BARX2: variants seen among roughly 807,000 people sequenced by gnomAD.
The protein encoded by BARX2 is BARX homeobox 2.
A neutral mutation model predicts 25.5 loss-of-function variants in BARX2; 11 were observed. That is an observed-to-expected ratio of 0.43 (90% CI 0.27 to 0.71). BARX2 has a LOEUF of 0.71. Among genes scored for constraint, BARX2 ranks in the 30% least tolerant of loss-of-function variants. BARX2 has a pLI of 0.19. For synonymous variants in BARX2, 137 were observed against 149.5 expected, an observed-to-expected ratio of 0.92 and a Z score of 0.61; for missense variants, 360 against 359.9, an observed-to-expected ratio of 1.00 and a Z score of 0.00.
chr11:129,398,966 A>G (rs1452502679), intron 1 of BARX2, among the ~76,000 whole-genome samples: 1 of 152,208 alleles, frequency 6.6e-6, no homozygotes, highest in Non-Finnish European at 1.5e-5. Flanking sequence ...GCTCAGAGAA[A>G]GTCATGCTGT....
intron 3 of BARX2, among the ~76,000 whole-genome samples, chr11:129,445,608 G>A (rs568312798): frequency 6.6e-6 from 1 of 152,312 alleles, no homozygotes; most frequent in South Asian, 2.1e-4. Flanking sequence ...GGCCCAAGCT[G>A]TCAGTTCACT....
chr11:129,377,080 C>T (rs1455744541), intron 1 of BARX2, among the ~76,000 whole-genome samples: 1 of 151,964 alleles, frequency 6.6e-6, no homozygotes, highest in Non-Finnish European at 1.5e-5. Context: ...TATAATAAAA[C>T]GAAAAAGAAG....
intron 2 of BARX2, 171 bp from the exon 3 acceptor site, chr11:129,442,664 G>T: frequency 1.5e-6 from 1 of 681,136 alleles, no homozygotes; most frequent in South Asian, 1.5e-5. Context: ...AGTTTCCTCT[G>T]TTGGATTCTT....
At chr11:129,398,253 AG>A (rs1489831763) in intron 1 of BARX2, among the ~76,000 whole-genome samples, 2 of 152,102 alleles carry the variant, frequency 1.3e-5, no homozygotes, top group Non-Finnish European at 2.9e-5. Flanking sequence ...GCTGCCTTGG[AG>A]GGTCAGAGTA....
chr11:129,418,684 G>A (rs566408510), intron 1 of BARX2, among the ~76,000 whole-genome samples: 3 of 152,060 alleles, frequency 2.0e-5, no homozygotes, highest in East Asian at 1.9e-4. Context: ...CCTTTATACT[G>A]CCTTTTTCTT....
chr11:129,393,443 AT>A (rs1368195131), intron 1 of BARX2, among the ~76,000 whole-genome samples: 1 of 151,810 alleles, frequency 6.6e-6, no homozygotes, highest in Non-Finnish European at 1.5e-5. Context: ...ATTTTCTATT[AT>A]TACTGATTTG....
At chr11:129,426,562 G>A (rs1311657976) in intron 1 of BARX2, among the ~76,000 whole-genome samples, 3 of 152,002 alleles carry the variant, frequency 2.0e-5, no homozygotes, top group South Asian at 2.1e-4. Flanking sequence ...TAGTAGAGAT[G>A]GGGTTTCACC....
At chr11:129,402,163 C>G (rs1861783379) in intron 1 of BARX2, among the ~76,000 whole-genome samples, 1 of 151,918 alleles carries the variant, frequency 6.6e-6, no homozygotes, top group Non-Finnish European at 1.5e-5. Context: ...GCTTTCCATC[C>G]AACTATGTGT....
chr11:129,446,433 C>T (rs1862330007), intron 3 of BARX2, among the ~76,000 whole-genome samples: 1 of 152,122 alleles, frequency 6.6e-6, no homozygotes, highest in African/African-American at 2.4e-5. Flanking sequence ...TGTTTCCTCT[C>T]CAGTAAAAGG....
intron 1 of BARX2, among the ~76,000 whole-genome samples, chr11:129,387,956 G>C (rs1223859460): frequency 6.6e-6 from 1 of 152,152 alleles, no homozygotes; most frequent in Non-Finnish European, 1.5e-5. Flanking sequence ...AAATGGGAAC[G>C]GGGTCACACG....
intron 1 of BARX2, among the ~76,000 whole-genome samples, chr11:129,414,664 G>C (rs1041941974): frequency 6.6e-6 from 1 of 152,138 alleles, no homozygotes; most frequent in Admixed American, 6.5e-5. Flanking sequence ...GACAGCACTG[G>C]GGAGAAGCAG....
At chr11:129,397,586 G>T (rs752450) in intron 1 of BARX2, among the ~76,000 whole-genome samples, 1 of 152,048 alleles carries the variant, frequency 6.6e-6, no homozygotes, top group Non-Finnish European at 1.5e-5. Context: ...ACTAGAGTTC[G>T]TTAAAAAAAT....
chr11:129,411,817 G>A (rs1254584667), intron 1 of BARX2, among the ~76,000 whole-genome samples: 1 of 152,208 alleles, frequency 6.6e-6, no homozygotes, highest in Non-Finnish European at 1.5e-5. Context: ...GGCTCACAAG[G>A]TCTTTTGAAT....
intron 1 of BARX2, among the ~76,000 whole-genome samples, chr11:129,388,093 C>CTGTGTG (rs34835803): frequency 2.8e-3 from 407 of 147,016 alleles, no homozygotes; most frequent in Middle Eastern, 6.8e-3. Flanking sequence ...AGGCAACATA[C>CTGTGTG]TGTGTGTGTG....
chr11:129,443,151 A>G (rs1242400969), intron 3 of BARX2, among the ~76,000 whole-genome samples: 1 of 152,174 alleles, frequency 6.6e-6, no homozygotes, highest in Non-Finnish European at 1.5e-5. Flanking sequence ...AATCAAAGGA[A>G]AAAAAGCTTA....
At chr11:129,400,213 A>C (rs1033267410) in intron 1 of BARX2, among the ~76,000 whole-genome samples, 4 of 152,182 alleles carry the variant, frequency 2.6e-5, no homozygotes, top group South Asian at 4.1e-4. Context: ...AGCTATAATG[A>C]TGCATTATCC....
At chr11:129,430,509 C>T (rs1862117079) in intron 1 of BARX2, among the ~76,000 whole-genome samples, 2 of 152,192 alleles carry the variant, frequency 1.3e-5, no homozygotes, top group African/African-American at 4.8e-5. Context: ...ATGTGTGTAA[C>T]ATTTTAATTT....
chr11:129,423,117 A>T (rs58782261), intron 1 of BARX2, among the ~76,000 whole-genome samples: 6 of 145,378 alleles, frequency 4.1e-5, no homozygotes, highest in Non-Finnish European at 9.0e-5. Flanking sequence ...ATCAGATTGG[A>T]TTTTTTTTTT....
chr11:129,426,220 T>C (rs2135406202), intron 1 of BARX2, among the ~76,000 whole-genome samples: 2 of 152,274 alleles, frequency 1.3e-5, no homozygotes, highest in Middle Eastern at 3.4e-3. Context: ...CCTCCCTCTG[T>C]CCTCCTCTCT....
Sources: gnomAD v4.1 joint callset for allele counts (sites outside exome capture counted in the v4.1 genomes callset) on GRCh38, gnomAD v4.1.1 for gene constraint, MANE v1.5 for transcripts, NCBI Gene and HGNC (gene_info 2026-07-23, HGNC 2026-07-21) for gene names.